RERE: variants seen among roughly 807,000 people sequenced by gnomAD.
RERE encodes arginine-glutamic acid dipeptide repeats, also known as arginine-glutamic acid dipeptide repeats protein.
RERE carries 40 observed loss-of-function variants against 146.1 expected under a neutral mutation model. That is an observed-to-expected ratio of 0.27 (90% CI 0.21 to 0.36). The LOEUF (loss-of-function observed/expected upper bound fraction) is 0.36. Among genes scored for constraint, RERE ranks in the 10% least tolerant of loss-of-function variants. RERE has a pLI of 1.00. For missense variants in RERE, 1,933 were observed against 2,138.7 expected (o/e 0.90, Z 1.90); for synonymous variants, 1,003 against 866.0 (o/e 1.16, Z -2.78).
At chr1:8,732,787 T>C (rs1271812199) in intron 1 of RERE, among the ~76,000 whole-genome samples, 1 of 150,356 alleles carries the variant, frequency 6.7e-6, no homozygotes, top group Non-Finnish European at 1.5e-5. Flanking sequence ...ACTTATACTA[T>C]CTGCCCAATT....
intron 6 of RERE, among the ~76,000 whole-genome samples, chr1:8,544,080 G>A (rs1290525994): frequency 6.6e-6 from 1 of 152,096 alleles, no homozygotes; most frequent in East Asian, 1.9e-4. Context: ...TAGCTTTACA[G>A]ACAATCAAAC....
At chr1:8,741,952 A>G (rs1246134522) in intron 1 of RERE, among the ~76,000 whole-genome samples, 1 of 152,224 alleles carries the variant, frequency 6.6e-6, no homozygotes, top group African/African-American at 2.4e-5. Flanking sequence ...AGTAAAATAT[A>G]AAGTCTATTC....
chr1:8,489,832 C>T (rs1290509248), intron 10 of RERE, among the ~76,000 whole-genome samples: 3 of 151,810 alleles, frequency 2.0e-5, no homozygotes, highest in Non-Finnish European at 4.4e-5. Context: ...GGGAGGATCA[C>T]GAGGTCAGGA....
intron 11 of RERE, chr1:8,425,803 T>G (rs909488219): frequency 6.6e-6 from 1 of 152,254 alleles, no homozygotes; most frequent in African/African-American, 2.4e-5. Context: ...TTTCTTCCAT[T>G]TATTGTGATG....
chr1:8,646,351 A>G (rs926161988), intron 2 of RERE, among the ~76,000 whole-genome samples: 9 of 152,008 alleles, frequency 5.9e-5, no homozygotes, highest in African/African-American at 2.2e-4. Context: ...AGACAACAAA[A>G]CAAGATCCCT....
intron 7 of RERE, chr1:8,512,018 T>TTTTTTC (rs1645345593): frequency 1.4e-5 from 1 of 70,464 alleles, no homozygotes; most frequent in South Asian, 5.1e-4. Context: ...AACACTCTTT[T>TTTTTTC]TTTTTTTTTT....
chr1:8,582,782 C>A (rs1281616517), intron 4 of RERE, among the ~76,000 whole-genome samples: 1 of 152,072 alleles, frequency 6.6e-6, no homozygotes, highest in Non-Finnish European at 1.5e-5. Flanking sequence ...TGATACCGGG[C>A]AGGGGTAGTG....
rs869295197 is a variant in RERE at position 8,403,825 on chromosome 1, C to CTTTTTTTTTTTTTTTTTTTTTTTTTT, written c.1284+18901_1284+18902insAAAAAAAAAAAAAAAAAAAAAAAAAA. Among the ~76,000 whole-genome samples the CTTTTTTTTTTTTTTTTTTTTTTTTTT allele has an allele frequency of 2.5e-4, 18 of 70,864 alleles. 3 individuals carry two copies. The highest frequency in any genetic ancestry group is 9.4e-4 in the African/African-American group (16 of 17,000). 46.5% of individuals were successfully genotyped at this position (70,864 alleles called of 152,430 possible). A position where few individuals can be genotyped will look rare whatever the true frequency, so the allele number is the denominator to read the frequency against. On this transcript the variant is annotated intron_variant, in intron 12 of 22. Coordinates refer to ENST00000400908, the MANE Select transcript of RERE (RefSeq NM_001042681.2). ...TCTATTTTTCTTAATAAAATCTTAG[C>CTTTTTTTTTTTTTTTTTTTTTTTTTT]TTTTTTTTTTTTTTTTTTTTTTTGA... is the stretch of plus-strand genomic sequence containing the variant.
intron 12 of RERE, among the ~76,000 whole-genome samples, chr1:8,374,870 T>G (rs1350656366): frequency 6.6e-6 from 1 of 152,110 alleles, no homozygotes; most frequent in Non-Finnish European, 1.5e-5. Context: ...CTGAGCCCCA[T>G]ACCACCCCCA....
intron 4 of RERE, among the ~76,000 whole-genome samples, chr1:8,592,196 C>T (rs1646503043): frequency 6.6e-6 from 1 of 152,128 alleles, no homozygotes; most frequent in Admixed American, 6.6e-5. Flanking sequence ...CTCCCTACTA[C>T]ACTTCCACCC....
At chr1:8,538,263 C>G (rs1279135452) in intron 7 of RERE, among the ~76,000 whole-genome samples, 3 of 152,176 alleles carry the variant, frequency 2.0e-5, no homozygotes, top group Non-Finnish European at 4.4e-5. Context: ...AGTCAGCATA[C>G]AGTACACTAT....
intron 11 of RERE, among the ~76,000 whole-genome samples, chr1:8,447,725 G>A (rs1209712554): frequency 2.6e-5 from 4 of 152,210 alleles, no homozygotes; most frequent in African/African-American, 9.6e-5. Context: ...TTCAGCTCCA[G>A]TGGAGGCTGT....
At chr1:8,556,982 C>G (rs1646015401) in intron 5 of RERE, among the ~76,000 whole-genome samples, 1 of 148,758 alleles carries the variant, frequency 6.7e-6, no homozygotes, top group Non-Finnish European at 1.5e-5. Context: ...ATATTTTTAA[C>G]AAGGAACTAT....
rs375817736 is a variant in RERE, at chr1:8,798,191, T to TA, written c.-145+18968dup. Among the ~76,000 whole-genome samples the TA allele has an allele frequency of 1.8e-3, 281 of 152,096 alleles. 2 individuals carry two copies. Among genetic ancestry groups the TA allele is most frequent in the African/African-American group, 6.6e-3 (272 of 41,502 alleles). ...AGGTGGATCACCTGAGATCAGGAGT[T>TA]AGAGACAAGCCTGGCCAACAAGGCG... On this transcript the variant is annotated intron_variant, in intron 1 of 22. Coordinates refer to ENST00000400908, the MANE Select transcript of RERE (RefSeq NM_001042681.2).
intron 10 of RERE, among the ~76,000 whole-genome samples, chr1:8,468,536 C>T (rs1377966699): frequency 6.6e-6 from 1 of 152,074 alleles, no homozygotes; most frequent in Non-Finnish European, 1.5e-5. Flanking sequence ...TAATGAAAAG[C>T]TCATGGCAAA....
At position 8,577,215 on chromosome 1, in the gene RERE, TG is replaced by T. The variant is rs200921102; in HGVS notation, c.523-19693del. ...ATTTCATATGACTTTTGAATTTTTT[TG>T]TTTTTTTAAATTATATAAATGTATT... On this transcript the variant is annotated intron_variant, in intron 4 of 22. Transcript: ENST00000400908. 8.4e-3 allele frequency among the ~76,000 whole-genome samples: 1,272 copies of T among 152,264 alleles called. 18 individuals carry two copies. Among genetic ancestry groups the T allele is most frequent in the African/African-American group, 0.029 (1,199 of 41,532 alleles).
intron 6 of RERE, among the ~76,000 whole-genome samples, chr1:8,552,092 T>A (rs896178189): frequency 8.5e-5 from 13 of 152,212 alleles, no homozygotes; most frequent in South Asian, 2.1e-4. Flanking sequence ...TCAACACACA[T>A]TTCTACAACT....
chr1:8,517,720 C>A (rs1049355764), intron 7 of RERE, among the ~76,000 whole-genome samples: 5 of 151,532 alleles, frequency 3.3e-5, no homozygotes, highest in African/African-American at 4.9e-5. Flanking sequence ...ACAAAAAAAC[C>A]CCAGTGTAAC....
intron 11 of RERE, chr1:8,424,707 C>CT (rs1643983785): frequency 1.3e-5 from 2 of 152,226 alleles, no homozygotes; most frequent in African/African-American, 4.8e-5. Context: ...GACAGGTAAA[C>CT]AAACCAGTCC....
Sources: allele counts gnomAD v4.1 joint callset (sites outside exome capture counted in the v4.1 genomes callset), GRCh38; gene constraint gnomAD v4.1.1; transcripts MANE v1.5; gene names NCBI Gene and HGNC (gene_info 2026-07-23, HGNC 2026-07-21).